The following RECQL5 variants were observed in gnomAD, a reference collection of about 807,000 sequenced individuals.
RECQL5 encodes ATP-dependent DNA helicase Q5.
In RECQL5, 88 loss-of-function variants were observed where a neutral mutation model predicts 103.4. The ratio of observed to expected loss-of-function variants is 0.85; its 90% confidence interval spans 0.72 to 1.02. The LOEUF (loss-of-function observed/expected upper bound fraction) is 1.02. RECQL5 is among the 50% of genes least tolerant of loss of function. The pLI is 0.00. For synonymous variants in RECQL5, 552 were observed against 507.9 expected (o/e 1.09, Z -1.17); for missense variants, 1,232 against 1,284.3 (o/e 0.96, Z 0.62).
At chr17:75,653,759 G>T (rs1017301860) in intron 7 of RECQL5, among the ~76,000 whole-genome samples, 1 of 151,978 alleles carries the variant, frequency 6.6e-6, no homozygotes, top group Non-Finnish European at 1.5e-5. Context: ...TTAGCCAGGC[G>T]TGGTGGTGGG....
At chr17:75,661,119 C>G in intron 5 of RECQL5, 53 bp from the exon 6 acceptor site, 1 of 1,446,180 alleles carries the variant, frequency 6.9e-7, no homozygotes, top group South Asian at 1.1e-5. Context: ...TTGGGTTTAC[C>G]GGGGGCCTAT....
chr17:75,664,161 T>G (rs2059737474), intron 3 of RECQL5, among the ~76,000 whole-genome samples: 1 of 152,052 alleles, frequency 6.6e-6, no homozygotes, highest in Non-Finnish European at 1.5e-5. Context: ...TAGTTCCCTC[T>G]CTACCTTCCT....
At position 75,666,574 on chromosome 17, in the gene RECQL5, G is replaced by A. The variant is rs377621540; in HGVS notation, c.-14-3C>T. 4.5e-5 allele frequency: 72 copies of A among 1,613,146 alleles called. No individual in the cohort carries two copies. Among genetic ancestry groups the A allele is most frequent in the Non-Finnish European group, 5.8e-5 (69 of 1,179,802 alleles). On this transcript the variant is annotated splice_polypyrimidine_tract_variant and splice_region_variant and intron_variant, in intron 1 of 19. Transcript: ENST00000317905. ...GCTGCTCATCTTAGCCAAGAACAGT[G>A]GCCAAAGGTTAAGGCAAAGGTAGTA...
chr17:75,635,186 C>G (rs541576686), intron 8 of RECQL5, among the ~76,000 whole-genome samples: 113 of 152,350 alleles, frequency 7.4e-4, no homozygotes, highest in African/African-American at 2.3e-3. Context: ...CTCAGCTCAG[C>G]AGAGGCTGGG....
At position 75,630,269 on chromosome 17, in the gene RECQL5, A is replaced by G; in HGVS notation, c.1727T>C (p.Leu576Pro). The change falls in exon 14 of 20, where the codon CTC (leucine) becomes CCC (proline). Residue 576 changes from leucine (L) to proline (P), a missense_variant. Physicochemically the swap from Leu to Pro is moderately conservative, Grantham distance 98 (BLOSUM62 -3). Transcript: ENST00000317905. ...TTCCAGCTCCACGGCCTTGGCCCGGAGGTCAGCTCTGTGGGTGCAAGGTAA... is the reference window on the plus strand; with the variant it reads ...TTCCAGCTCCACGGCCTTGGCCCGGGGGTCAGCTCTGTGGGTGCAAGGTAA... ...QSTRTADEAD[L>P]RAKAVELEHE... The G allele has an allele frequency of 6.4e-7, 1 of 1,557,820 alleles. No homozygotes were observed. The highest frequency in any genetic ancestry group is 8.7e-7 in the Non-Finnish European group (1 of 1,150,162).
intron 7 of RECQL5, among the ~76,000 whole-genome samples, chr17:75,654,447 G>A (rs1437074982): frequency 6.6e-6 from 1 of 152,116 alleles, no homozygotes; most frequent in African/African-American, 2.4e-5. Flanking sequence ...ACTTACTCCT[G>A]GGTAAGTTTC....
chr17:75,640,734 G>T lies in RECQL5; in HGVS notation c.1230-9066C>A. Reference sequence around the variant, plus strand: ...AGGCAGTGGGTTTCTCTGGGAGGAGGGTGGGCATCCTTTCTCTCCCCCAAC... The same window carrying T: ...AGGCAGTGGGTTTCTCTGGGAGGAGTGTGGGCATCCTTTCTCTCCCCCAAC... On this transcript the variant is annotated intron_variant, in intron 8 of 19. Transcript: ENST00000317905. This position sits in a 1 kb window ranked among gnomAD's most constrained non-coding sequence, Gnocchi z 4.6. The T allele has an allele frequency of 1.3e-6, 2 of 1,527,680 alleles. No homozygotes were observed. Among genetic ancestry groups the T allele is most frequent in the Non-Finnish European group, 8.8e-7 (1 of 1,131,434 alleles). 94.6% of individuals were successfully genotyped at this position (1,527,680 alleles called of 1,614,324 possible).
At chr17:75,635,605 C>T (rs1040237721) in intron 8 of RECQL5, among the ~76,000 whole-genome samples, 1 of 152,222 alleles carries the variant, frequency 6.6e-6, no homozygotes, top group African/African-American at 2.4e-5. Context: ...CCCAAAGGCT[C>T]AGTGCCACAA....
chr17:75,650,027 C>T (rs1419700691), intron 8 of RECQL5: 1 of 985,548 alleles, frequency 1.0e-6, no homozygotes, highest in Non-Finnish European at 1.2e-6. Flanking sequence ...GAGCCTCAGA[C>T]AGCCCCAGAG....
rs957160871 is a variant in RECQL5 at position 75,640,852 on chromosome 17, T to A, written c.1230-9184A>T. 12 of 1,548,890 alleles carry A rather than the reference T, an allele frequency of 7.7e-6. No individual in the cohort carries two copies. The African/African-American group carries it at 1.1e-4, about 14-fold the overall frequency. On this transcript the variant is annotated intron_variant, in intron 8 of 19. Transcript: ENST00000317905. The surrounding 1 kb of genome is among the most constrained non-coding windows in gnomAD (Gnocchi z 4.6). The stretch of plus-strand genomic sequence containing the variant: ...GCTGCTGCACTCACTGCTGCTGCCC[T>A]GAGCGGAGAGGCAGGAAGGTCCAGG...
intron 6 of RECQL5, among the ~76,000 whole-genome samples, chr17:75,659,077 T>C (rs1461709726): frequency 6.6e-6 from 1 of 152,174 alleles, no homozygotes; most frequent in Non-Finnish European, 1.5e-5. Context: ...TTTTATTTTA[T>C]TTTTAGATGG....
At chr17:75,659,922 A>T (rs1599054962) in intron 6 of RECQL5, among the ~76,000 whole-genome samples, 1 of 152,188 alleles carries the variant, frequency 6.6e-6, no homozygotes, top group Non-Finnish European at 1.5e-5. Context: ...GCTGGGATGC[A>T]CCCCGACTCT....
chr17:75,665,680 ACT>A (rs1161802102), intron 2 of RECQL5, among the ~76,000 whole-genome samples: 5 of 139,864 alleles, frequency 3.6e-5, no homozygotes, highest in Non-Finnish European at 7.6e-5. Context: ...ACAGAGCAAG[ACT>A]CTGTTTCAAA....
chr17:75,628,596 T>C, intron 17 of RECQL5, 76 bp downstream of exon 17: 1 of 1,515,980 alleles, frequency 6.6e-7, no homozygotes, highest in South Asian at 1.3e-5. Flanking sequence ...CCCTGACCCC[T>C]TGAGCAGGGC....
At chr17:75,657,547 T>C (rs966591911) in intron 7 of RECQL5, among the ~76,000 whole-genome samples, 4 of 151,866 alleles carry the variant, frequency 2.6e-5, no homozygotes, top group African/African-American at 4.8e-5. Flanking sequence ...CCAGGAGTCA[T>C]GAGACCAGTC....
chr17:75,651,366 A>C (rs960896894), intron 7 of RECQL5, 101 bp from the exon 8 acceptor site: 2 of 1,357,392 alleles, frequency 1.5e-6, no homozygotes, highest in Non-Finnish European at 2.1e-6. Flanking sequence ...TCACGGCTGT[A>C]ATCCCAGCAC....
chr17:75,644,737 G>C (rs896450572), intron 8 of RECQL5, among the ~76,000 whole-genome samples: 1 of 151,594 alleles, frequency 6.6e-6, no homozygotes, highest in Non-Finnish European at 1.5e-5. Context: ...GCTGAGGCAG[G>C]AGAATCGCCT....
At chr17:75,634,126 G>A (rs1315380348) in intron 8 of RECQL5, 6 of 985,364 alleles carry the variant, frequency 6.1e-6, no homozygotes, top group Non-Finnish European at 7.2e-6. Context: ...CGGCGCCCAC[G>A]AAGGAAGTAC....
chr17:75,630,587 G>A (rs755220611), intron 13 of RECQL5, 32 bp downstream of exon 13: 66 of 1,609,472 alleles, frequency 4.1e-5, no homozygotes, highest in Non-Finnish European at 5.5e-5. Flanking sequence ...AGAGCTTGGA[G>A]TGCTCCTCAG....
Sources: gnomAD v4.1 joint callset for allele counts (sites outside exome capture counted in the v4.1 genomes callset) on GRCh38, gnomAD v4.1.1 for gene constraint, Gnocchi (gnomAD v3.1) non-coding constraint, MANE v1.5 for transcripts, NCBI Gene and HGNC (gene_info 2026-07-23, HGNC 2026-07-21) for gene names.